Variants in MANBAL observed in about 807,000 individuals in gnomAD.
MANBAL encodes mannosidase beta like, also known as protein MANBAL.
Under a neutral mutation model 6.4 loss-of-function variants are expected in MANBAL, and 1 was observed. The ratio of observed to expected loss-of-function variants is 0.16; its 90% CI spans 0.06 to 0.74. The LOEUF is 0.74. Among genes scored for constraint, MANBAL ranks in the 30% least tolerant of loss-of-function variants. MANBAL has a pLI of 0.78. For missense variants in MANBAL, 100 were observed against 107.8 expected, an observed-to-expected ratio of 0.93 and a Z score of 0.32; for synonymous variants, 47 against 45.8, an observed-to-expected ratio of 1.03 and a Z score of -0.10.
At chr20:37,299,635 C>G (rs1031565971) in intron 1 of MANBAL, among the ~76,000 whole-genome samples, 4 of 152,164 alleles carry the variant, frequency 2.6e-5, no homozygotes, top group African/African-American at 9.7e-5. Flanking sequence ...AAATTTGCCC[C>G]TTTATCATTG....
At chr20:37,315,592 C>A (rs1045723439) in intron 2 of MANBAL, among the ~76,000 whole-genome samples, 2 of 152,246 alleles carry the variant, frequency 1.3e-5, no homozygotes, top group African/African-American at 4.8e-5. Flanking sequence ...AGGGACAAAT[C>A]ACAGTGTATG....
chr20:37,309,750 C>T (rs2069339478), intron 2 of MANBAL, among the ~76,000 whole-genome samples: 1 of 152,156 alleles, frequency 6.6e-6, no homozygotes, highest in Non-Finnish European at 1.5e-5. Flanking sequence ...AAATTTTGCA[C>T]AAGGGTCTTG....
At chr20:37,290,564 T>A (rs2068843678) in intron 1 of MANBAL, among the ~76,000 whole-genome samples, 1 of 152,124 alleles carries the variant, frequency 6.6e-6, no homozygotes, top group African/African-American at 2.4e-5. Flanking sequence ...GTTCAAGCGA[T>A]TCTCCTGCCT....
chr20:37,300,357 T>G (rs1252080998), intron 1 of MANBAL, among the ~76,000 whole-genome samples: 3 of 152,178 alleles, frequency 2.0e-5, no homozygotes, highest in African/African-American at 7.2e-5. Flanking sequence ...ACTTCTTATC[T>G]CTTCCACTCC....
chr20:37,312,243 T>C (rs1460956422), intron 2 of MANBAL, among the ~76,000 whole-genome samples: 1 of 152,200 alleles, frequency 6.6e-6, no homozygotes, highest in East Asian at 1.9e-4. Flanking sequence ...TTCTGATTGC[T>C]GTAGGGACTT....
chr20:37,295,573 C>T (rs980780966), intron 1 of MANBAL, among the ~76,000 whole-genome samples: 7 of 152,166 alleles, frequency 4.6e-5, no homozygotes, highest in African/African-American at 1.2e-4. Flanking sequence ...AGTTTGAAAA[C>T]GATTGACATA....
intron 1 of MANBAL, 126 bp from the exon 2 acceptor site, chr20:37,301,082 G>A: frequency 2.2e-6 from 1 of 453,454 alleles, no homozygotes; most frequent in East Asian, 4.8e-5. Flanking sequence ...GGCCGAAGTT[G>A]CAGTGATCAT....
Position 37,301,290 on chromosome 20 carries a change from T to C in MANBAL, c.27T>C (p.Pro9=), listed in dbSNP as rs1422695287. Residue 9 remains proline (P), a synonymous_variant, in exon 2 of 3, where the codon CCT becomes CCC. Coordinates refer to ENST00000373606, the MANE Select transcript of MANBAL (RefSeq NM_001003897.2). MASDLDFS[P]PEVPEPTFLE... ...TGGCCTCTGACCTAGACTTCTCACC[T>C]CCGGAGGTGCCCGAGCCCACTTTCC... The C allele has an allele frequency of 3.1e-6, 5 of 1,610,710 alleles. No individual in the cohort carries two copies. In the Admixed American group the frequency reaches 6.7e-5, roughly 22 times the overall value.
chr20:37,301,413 G>C lies in MANBAL; in HGVS notation c.150G>C (p.Ala50=). The C allele has an allele frequency of 6.2e-7, 1 of 1,610,238 alleles. No homozygotes were observed. Among genetic ancestry groups the C allele is most frequent in the South Asian group, 1.1e-5 (1 of 90,604 alleles). The change falls in exon 2 of 3, where the codon GCG becomes GCC. Residue 50 remains alanine, a splice_region_variant and synonymous_variant. Coordinates refer to ENST00000373606, the MANE Select transcript of MANBAL (RefSeq NM_001003897.2). ...IIVPIPKSHE[A]EAEPSEPRSA... is the part of the protein sequence containing the mutation. Reference sequence around the variant, plus strand: ...TACCCATTCCCAAGTCCCACGAGGCGGTGAGTTTTTCCCTGGGAGCCTCAG... The same window carrying C: ...TACCCATTCCCAAGTCCCACGAGGCCGTGAGTTTTTCCCTGGGAGCCTCAG...
At chr20:37,309,500 C>T (rs1219672839) in intron 2 of MANBAL, among the ~76,000 whole-genome samples, 1 of 152,200 alleles carries the variant, frequency 6.6e-6, no homozygotes, top group East Asian at 1.9e-4. Context: ...GGAAGACAGA[C>T]AGCCGGTGGC....
intron 2 of MANBAL, among the ~76,000 whole-genome samples, chr20:37,313,991 A>G (rs1433622112): frequency 6.6e-6 from 1 of 152,212 alleles, no homozygotes; most frequent in Non-Finnish European, 1.5e-5. Context: ...ATGCCATTCC[A>G]GAGACAGCCA....
intron 2 of MANBAL, among the ~76,000 whole-genome samples, chr20:37,303,930 C>CT (rs1265389072): frequency 6.6e-6 from 1 of 152,204 alleles, no homozygotes; most frequent in Non-Finnish European, 1.5e-5. Context: ...GTGAGCCACT[C>CT]TTATCATTTC....
rs1219389876 is a variant in MANBAL, at chr20:37,317,072, TC to T, written c.*659del. 1 of 152,656 alleles carries T rather than the reference TC, an allele frequency of 6.6e-6. No individual in the cohort carries two copies. Among genetic ancestry groups the T allele is most frequent in the Non-Finnish European group, 1.5e-5 (1 of 68,060 alleles). 9.5% of individuals were successfully genotyped at this position (152,656 alleles called of 1,614,324 possible). ...CGTGCATATTTCCTGGGCACAAACT[TC>T]CTGAGCCTCTGAAATGGGAGGCTCG... On this transcript the variant is annotated 3_prime_UTR_variant, in exon 3 of 3. Transcript: ENST00000373606.
intron 2 of MANBAL, among the ~76,000 whole-genome samples, chr20:37,303,211 C>A (rs1600907980): frequency 6.6e-6 from 1 of 152,148 alleles, no homozygotes; most frequent in African/African-American, 2.4e-5. Flanking sequence ...GCGCCTGGCC[C>A]CAGGCTCATT....
At chr20:37,290,549 C>G (rs947665274) in intron 1 of MANBAL, among the ~76,000 whole-genome samples, 1 of 151,918 alleles carries the variant, frequency 6.6e-6, no homozygotes, top group Non-Finnish European at 1.5e-5. Context: ...ACCTCCGCTT[C>G]TTGGGTTCAA....
chr20:37,298,832 G>C (rs1377157147), intron 1 of MANBAL: 3 of 151,804 alleles, frequency 2.0e-5, no homozygotes, highest in African/African-American at 4.8e-5. Flanking sequence ...AGACCTCCCA[G>C]CTGGAGCAAT....
intron 2 of MANBAL, among the ~76,000 whole-genome samples, chr20:37,316,077 C>T (rs541311401): frequency 6.6e-6 from 1 of 152,322 alleles, no homozygotes; most frequent in Non-Finnish European, 1.5e-5. Context: ...TCTACCTGGG[C>T]GTCTGAGACC....
At chr20:37,299,489 C>T (rs1294652379) in intron 1 of MANBAL, among the ~76,000 whole-genome samples, 3 of 152,186 alleles carry the variant, frequency 2.0e-5, no homozygotes, top group Non-Finnish European at 4.4e-5. Context: ...AAACTAGCTG[C>T]GTTTCAAGTC....
chr20:37,301,906 G>A (rs981357411), intron 2 of MANBAL, among the ~76,000 whole-genome samples: 6 of 152,230 alleles, frequency 3.9e-5, no homozygotes, highest in African/African-American at 1.4e-4. Flanking sequence ...GGCACTGCAC[G>A]TGCAAGGGAC....
Sources: gnomAD v4.1 joint callset for allele counts (sites outside exome capture counted in the v4.1 genomes callset) on GRCh38, gnomAD v4.1.1 for gene constraint, MANE v1.5 for transcripts, NCBI Gene and HGNC (gene_info 2026-07-23, HGNC 2026-07-21) for gene names.